Variants in ADORA2B observed in about 807,000 individuals in gnomAD.
The protein encoded by ADORA2B is adenosine A2b receptor.
In ADORA2B, 18 loss-of-function variants were observed where a neutral mutation model predicts 20.8. The observed-to-expected ratio is 0.87, with a 90% CI of 0.60 to 1.29. ADORA2B has a LOEUF of 1.29. Among genes scored for constraint, ADORA2B ranks in the 50% most tolerant of loss-of-function variants. ADORA2B has a pLI of 0.00. For synonymous variants in ADORA2B, 179 were observed against 178.3 expected (o/e 1.00, Z -0.03); for missense variants, 441 against 422.7 (o/e 1.04, Z -0.38).
At chr17:15,927,970 C>T in the ADORA2B span, among the ~76,000 whole-genome samples, 6 of 151,932 alleles carry the variant, frequency 3.9e-5, no homozygotes, top group Non-Finnish European at 4.4e-5. Context: ...CTACAGCGCC[C>T]GCCACCACAC....
intron 1 of ADORA2B, among the ~76,000 whole-genome samples, chr17:15,948,415 C>A: frequency 6.5e-5 from 1 of 15,450 alleles, no homozygotes; most frequent in Non-Finnish European, 3.4e-4. Flanking sequence ...GGGCTCCAGT[C>A]CCCAGTGGTG....
the ADORA2B span, among the ~76,000 whole-genome samples, chr17:15,901,400 G>A: frequency 6.6e-6 from 1 of 151,886 alleles, no homozygotes; most frequent in Non-Finnish European, 1.5e-5. Flanking sequence ...GGAGGTGGAG[G>A]TTGTGGTGAG....
chr17:15,884,432 C>T, the ADORA2B span, among the ~76,000 whole-genome samples: 216 of 152,050 alleles, frequency 1.4e-3, no homozygotes, highest in African/African-American at 5.1e-3. Flanking sequence ...CTGGGGTACA[C>T]GTTCAGGATG....
the ADORA2B span, among the ~76,000 whole-genome samples, chr17:15,931,742 C>CTTT: frequency 2.0e-5 from 3 of 151,354 alleles, no homozygotes; most frequent in African/African-American, 7.3e-5. Context: ...GTCTTTTTCT[C>CTTT]TTTTTTTTTG....
intron 1 of ADORA2B, among the ~76,000 whole-genome samples, chr17:15,972,186 G>C (rs1468503603): frequency 6.6e-6 from 1 of 152,158 alleles, no homozygotes; most frequent in African/African-American, 2.4e-5. Flanking sequence ...CTGATGTTGA[G>C]AATAGCATGA....
chr17:15,888,834 A>ATG, the ADORA2B span, among the ~76,000 whole-genome samples: 1 of 14,758 alleles, frequency 6.8e-5, no homozygotes, highest in Admixed American at 7.7e-4. Flanking sequence ...ATATATATAT[A>ATG]TATATATATA....
chr17:15,929,027 T>C, the ADORA2B span, among the ~76,000 whole-genome samples: 1 of 151,760 alleles, frequency 6.6e-6, no homozygotes, highest in Non-Finnish European at 1.5e-5. Flanking sequence ...GAAGGCAGGG[T>C]GTGGGAGACA....
At chr17:15,892,643 T>C in the ADORA2B span, among the ~76,000 whole-genome samples, 4 of 147,184 alleles carry the variant, frequency 2.7e-5, no homozygotes, top group South Asian at 8.3e-4. Context: ...TTTTTCTTTT[T>C]TTCTTTCTTT....
chr17:15,890,550 GTTC>G, the ADORA2B span, among the ~76,000 whole-genome samples: 1 of 151,126 alleles, frequency 6.6e-6, no homozygotes, highest in African/African-American at 2.4e-5. Context: ...TATAATCTTA[GTTC>G]TTCTTTATTT....
At chr17:15,867,351 C>G in the ADORA2B span, among the ~76,000 whole-genome samples, 1 of 152,028 alleles carries the variant, frequency 6.6e-6, no homozygotes, top group Admixed American at 6.6e-5. Context: ...AGCGTCTCTG[C>G]CAGGCCGCCC....
the ADORA2B span, among the ~76,000 whole-genome samples, chr17:15,939,630 C>T: frequency 3.3e-4 from 50 of 152,078 alleles, no homozygotes; most frequent in African/African-American, 1.2e-3. Context: ...GAGGCTGAGG[C>T]GGGCAGATCA....
At chr17:15,950,522 G>A (rs778945665) in intron 1 of ADORA2B, among the ~76,000 whole-genome samples, 5 of 152,102 alleles carry the variant, frequency 3.3e-5, no homozygotes, top group Non-Finnish European at 7.4e-5. Context: ...TCACCCATGC[G>A]CCATCCCTCT....
chr17:15,862,954 G>A, the ADORA2B span, among the ~76,000 whole-genome samples: 8 of 152,066 alleles, frequency 5.3e-5, no homozygotes, highest in African/African-American at 1.9e-4. Flanking sequence ...AAGGATTTAT[G>A]AAAGTCTGAA....
chr17:15,932,951 AT>A, the ADORA2B span, among the ~76,000 whole-genome samples: 3,821 of 135,860 alleles, frequency 0.028, 76 homozygotes, highest in African/African-American at 0.086. Flanking sequence ...TAGTCCTTCA[AT>A]TTTTTTTTTT....
chr17:15,899,555 G>A, the ADORA2B span, among the ~76,000 whole-genome samples: 5 of 152,296 alleles, frequency 3.3e-5, no homozygotes, highest in African/African-American at 1.2e-4. Flanking sequence ...CCCAGGTAGT[G>A]AGTATAGCAC....
chr17:15,934,849 C>G, the ADORA2B span, among the ~76,000 whole-genome samples: 1 of 152,070 alleles, frequency 6.6e-6, no homozygotes, highest in Non-Finnish European at 1.5e-5. Context: ...CCCTGTTGCC[C>G]AAAGTGGAGT....
chr17:15,876,673 A>G, the ADORA2B span, among the ~76,000 whole-genome samples: 3 of 151,520 alleles, frequency 2.0e-5, no homozygotes, highest in Admixed American at 2.0e-4. Flanking sequence ...AGGCTTCCCT[A>G]AGTTTAATCT....
chr17:15,934,216 G>C, the ADORA2B span, among the ~76,000 whole-genome samples: 68 of 151,836 alleles, frequency 4.5e-4, no homozygotes, highest in Admixed American at 2.0e-4. Context: ...CCTGATCATA[G>C]TATATATTTT....
the ADORA2B span, among the ~76,000 whole-genome samples, chr17:15,877,008 G>A: frequency 6.6e-6 from 1 of 152,132 alleles, no homozygotes; most frequent in African/African-American, 2.4e-5. Context: ...TATAGTATTT[G>A]TCCTTTTTGT....
Sources: allele counts gnomAD v4.1 joint callset (sites outside exome capture counted in the v4.1 genomes callset), GRCh38; gene constraint gnomAD v4.1.1; transcripts MANE v1.5; gene names NCBI Gene and HGNC (gene_info 2026-07-23, HGNC 2026-07-21).